The following NXN variants were observed in gnomAD, a reference collection of about 807,000 sequenced individuals.
The protein encoded by NXN is nucleoredoxin 1.
Under a neutral mutation model 48.6 loss-of-function variants are expected in NXN, and 16 were observed. That is an observed-to-expected ratio of 0.33 (90% CI 0.22 to 0.50). The LOEUF (loss-of-function observed/expected upper bound fraction) is 0.50, where lower values mean the gene tolerates loss of function less well. NXN is among the 20% of genes least tolerant of loss of function. The pLI, the probability that NXN is intolerant of heterozygous loss-of-function variation, is 0.98. For missense variants in NXN, 492 were observed against 605.5 expected (o/e 0.81, Z 1.97); for synonymous variants, 281 against 269.6 (o/e 1.04, Z -0.41).
intron 5 of NXN, among the ~76,000 whole-genome samples, chr17:811,515 G>A (rs542299560): frequency 2.1e-3 from 321 of 151,790 alleles, no homozygotes; most frequent in African/African-American, 7.2e-3. Flanking sequence ...GGGTTGGGGG[G>A]GGGGCAGCAC....
At chr17:839,945 C>T (rs982127956) in intron 1 of NXN, among the ~76,000 whole-genome samples, 3 of 151,440 alleles carry the variant, frequency 2.0e-5, no homozygotes, top group African/African-American at 7.3e-5. Flanking sequence ...AAACATACAA[C>T]AATTAGCTGG....
At chr17:962,304 C>A (rs1000421977) in intron 1 of NXN, among the ~76,000 whole-genome samples, 1 of 152,124 alleles carries the variant, frequency 6.6e-6, no homozygotes, top group African/African-American at 2.4e-5. Flanking sequence ...GGTTGAACAC[C>A]TCTTAGGAGC....
intron 1 of NXN, among the ~76,000 whole-genome samples, chr17:960,849 A>G (rs2069228184): frequency 7.0e-6 from 1 of 142,826 alleles, no homozygotes. Context: ...GCAGTGGCGC[A>G]ATCTCGGCTC....
intron 1 of NXN, among the ~76,000 whole-genome samples, chr17:829,059 A>G (rs1044893966): frequency 6.6e-6 from 1 of 151,394 alleles, no homozygotes; most frequent in African/African-American, 2.4e-5. Flanking sequence ...CCATTTCCCA[A>G]CCTTCACCAA....
chr17:966,522 T>C (rs1381063178), intron 1 of NXN, among the ~76,000 whole-genome samples: 6 of 151,514 alleles, frequency 4.0e-5, no homozygotes, highest in Non-Finnish European at 5.9e-5. Flanking sequence ...TAATTTTGTA[T>C]TTTTAGTAGA....
chr17:843,288 A>G (rs2067820178), intron 1 of NXN, among the ~76,000 whole-genome samples: 1 of 152,230 alleles, frequency 6.6e-6, no homozygotes, highest in South Asian at 2.1e-4. Context: ...ACACCAATTA[A>G]GGAGGTTCAT....
At chr17:875,961 G>A (rs1483378789) in intron 1 of NXN, among the ~76,000 whole-genome samples, 8 of 151,958 alleles carry the variant, frequency 5.3e-5, no homozygotes, top group Non-Finnish European at 8.8e-5. Flanking sequence ...AGGTGGGCGG[G>A]TCATGAGGTC....
intron 1 of NXN, among the ~76,000 whole-genome samples, chr17:907,489 G>A (rs978795593): frequency 2.6e-5 from 4 of 151,962 alleles, no homozygotes; most frequent in East Asian, 1.9e-4. Flanking sequence ...ACAGGTGCCC[G>A]CCACCACGCC....
At chr17:840,439 A>T (rs1296630266) in intron 1 of NXN, among the ~76,000 whole-genome samples, 1 of 151,878 alleles carries the variant, frequency 6.6e-6, no homozygotes, top group African/African-American at 2.4e-5. Flanking sequence ...TCCCGGGTTC[A>T]CACCATTCTC....
At chr17:880,811 T>C (rs755238126) in intron 1 of NXN, among the ~76,000 whole-genome samples, 1 of 152,070 alleles carries the variant, frequency 6.6e-6, no homozygotes, top group Non-Finnish European at 1.5e-5. Flanking sequence ...AAGAGTAAGC[T>C]GACTGCGAAG....
chr17:962,356 A>G (rs2150630124), intron 1 of NXN, among the ~76,000 whole-genome samples: 1 of 152,172 alleles, frequency 6.6e-6, no homozygotes, highest in South Asian at 2.1e-4. Context: ...AACAAAACGA[A>G]GGTCCTTCTG....
intron 1 of NXN, among the ~76,000 whole-genome samples, chr17:928,687 T>C (rs2068824588): frequency 6.6e-6 from 1 of 151,988 alleles, no homozygotes; most frequent in African/African-American, 2.4e-5. Flanking sequence ...AATACAAAAA[T>C]TAGCCGGGCG....
At chr17:887,670 G>C (rs1006969251) in intron 1 of NXN, among the ~76,000 whole-genome samples, 1 of 152,106 alleles carries the variant, frequency 6.6e-6, no homozygotes, top group African/African-American at 2.4e-5. Flanking sequence ...GCGGAGACAT[G>C]ACCCCATTTT....
rs370726682 is a variant in NXN at position 802,493 on chromosome 17, C to T, written c.1125+1189G>A. Among the ~76,000 whole-genome samples the T allele has an allele frequency of 9.7e-4, 148 of 152,312 alleles. 2 individuals are homozygous for T. The South Asian group carries it at 0.028, about 29-fold the overall frequency. ...GGCTCTGTGCCTGGCGTACAGAAAA[C>T]CTGCAAATGCTCCTTCCAGACTTGA... On this transcript the variant is annotated intron_variant, in intron 7 of 7. Coordinates refer to ENST00000336868, the MANE Select transcript of NXN (RefSeq NM_022463.5).
intron 1 of NXN, among the ~76,000 whole-genome samples, chr17:968,211 G>A (rs990192955): frequency 6.6e-6 from 1 of 152,112 alleles, no homozygotes; most frequent in Non-Finnish European, 1.5e-5. Flanking sequence ...AATGTGGGTG[G>A]ATATGTGGGG....
At chr17:931,893 C>T (rs1318959447) in intron 1 of NXN, among the ~76,000 whole-genome samples, 1 of 148,594 alleles carries the variant, frequency 6.7e-6, no homozygotes, top group Non-Finnish European at 1.5e-5. Context: ...CCTGTAATCC[C>T]AGCACTTTGG....
At chr17:973,198 A>T (rs2069412385) in intron 1 of NXN, among the ~76,000 whole-genome samples, 1 of 152,226 alleles carries the variant, frequency 6.6e-6, no homozygotes, top group Non-Finnish European at 1.5e-5. Context: ...GATGAGTACC[A>T]AACCAGCAAT....
chr17:904,584 C>T (rs888824320), intron 1 of NXN, among the ~76,000 whole-genome samples: 1 of 152,174 alleles, frequency 6.6e-6, no homozygotes, highest in South Asian at 2.1e-4. Context: ...CACTCTGTCA[C>T]CCGGGCTGGG....
At chr17:915,668 G>C (rs1251347674) in intron 1 of NXN, among the ~76,000 whole-genome samples, 1 of 152,192 alleles carries the variant, frequency 6.6e-6, no homozygotes. Context: ...GGTGCAGGAG[G>C]AAAGTAAATA....
Sources: allele counts gnomAD v4.1 joint callset (sites outside exome capture counted in the v4.1 genomes callset), GRCh38; gene constraint gnomAD v4.1.1; transcripts MANE v1.5; gene names NCBI Gene and HGNC (gene_info 2026-07-23, HGNC 2026-07-21).